RBM34: variants seen among roughly 807,000 people sequenced by gnomAD.
RBM34 encodes RNA binding motif protein 34.
RBM34 carries 39 observed loss-of-function variants against 44.6 expected under a neutral mutation model. The observed-to-expected ratio is 0.87, with a 90% CI of 0.68 to 1.14. RBM34 has a LOEUF of 1.14. Ranked by LOEUF, RBM34 falls within the 50% of genes most tolerant of loss-of-function variation. The pLI is 0.00. For synonymous variants in RBM34, 194 were observed against 184.0 expected (o/e 1.05, Z -0.44); for missense variants, 572 against 517.9 (o/e 1.10, Z -1.01).
Position 235,136,090 on chromosome 1 carries a change from GT to G in RBM34, c.850-18del. On this transcript the variant is annotated intron_variant, in intron 8 of 10. Coordinates refer to ENST00000408888, the MANE Select transcript of RBM34 (RefSeq NM_015014.4). ...CTTGTCTCTCTGAAACAAAAAGACA[GT>G]TAATAAAAATCACTCACTAGACCAG... 6.3e-7 allele frequency: 1 copy of G among 1,591,480 alleles called. No homozygotes were observed. Among genetic ancestry groups the G allele is most frequent in the Non-Finnish European group, 8.6e-7 (1 of 1,163,208 alleles).
chr1:235,142,977 G>A (rs1444194240), intron 6 of RBM34, among the ~76,000 whole-genome samples: 6 of 147,622 alleles, frequency 4.1e-5, no homozygotes, highest in Non-Finnish European at 6.0e-5. Context: ...GCCACAAACT[G>A]GAGCAAAATA....
At chr1:235,160,864 C>A (rs1558152392) in intron 2 of RBM34, 29 bp downstream of exon 2, 1 of 1,610,006 alleles carries the variant, frequency 6.2e-7, no homozygotes, top group Admixed American at 1.7e-5. Context: ...TTCTAACGAG[C>A]TATTCGGGAA....
chr1:235,152,616 C>T (rs999095376), intron 5 of RBM34, 90 bp downstream of exon 5: 2 of 1,550,102 alleles, frequency 1.3e-6, no homozygotes, highest in African/African-American at 1.4e-5. Context: ...GGTTAAAGTG[C>T]TTCACCATCT....
rs1473215252 is a variant in RBM34 at position 235,131,642 on chromosome 1, G to A, written c.*71C>T. 26 of 1,442,194 alleles carry A rather than the reference G, an allele frequency of 1.8e-5. No individual in the cohort carries two copies. Among genetic ancestry groups the A allele is most frequent in the East Asian group, 6.8e-5 (3 of 43,826 alleles). 89.3% of individuals were successfully genotyped at this position (1,442,194 alleles called of 1,614,324 possible). A position where few individuals can be genotyped will look rare whatever the true frequency, so the allele number is the denominator to read the frequency against. On this transcript the variant is annotated 3_prime_UTR_variant, in exon 11 of 11. Transcript: ENST00000408888. ...AAAACTCAACACATGAATAGCAGAC[G>A]ATGCTATCAGCAGATAATAGCACTT...
At chr1:235,139,149 T>C (rs754415877) in intron 6 of RBM34, among the ~76,000 whole-genome samples, 1 of 152,128 alleles carries the variant, frequency 6.6e-6, no homozygotes, top group African/African-American at 2.4e-5. Context: ...TGTGAGGAGT[T>C]AGCAAAAAGG....
intron 6 of RBM34, 125 bp from the exon 7 acceptor site, chr1:235,138,299 G>A: frequency 3.0e-6 from 2 of 659,848 alleles, no homozygotes; most frequent in South Asian, 4.3e-5. Context: ...ATTCCTGGGT[G>A]GACATTTCAT....
At chr1:235,137,754 T>A (rs1310726535) in intron 8 of RBM34, 123 bp downstream of exon 8, 1 of 698,676 alleles carries the variant, frequency 1.4e-6, no homozygotes, top group Non-Finnish European at 2.4e-6. Context: ...ACAGAGGACA[T>A]AGGCTGTTTC....
intron 5 of RBM34, among the ~76,000 whole-genome samples, chr1:235,149,156 A>C (rs1219177892): frequency 6.6e-6 from 1 of 151,756 alleles, no homozygotes; most frequent in Non-Finnish European, 1.5e-5. Flanking sequence ...TGGGAGGCCA[A>C]GGCGGGCGGA....
intron 6 of RBM34, among the ~76,000 whole-genome samples, chr1:235,141,433 T>C (rs562277546): frequency 1.1e-4 from 17 of 152,130 alleles, no homozygotes; most frequent in African/African-American, 4.1e-4. Context: ...TGGAGAACCT[T>C]TGTATCTAGC....
intron 3 of RBM34, among the ~76,000 whole-genome samples, chr1:235,157,043 A>C (rs1363296340): frequency 6.6e-6 from 1 of 152,220 alleles, no homozygotes; most frequent in Non-Finnish European, 1.5e-5. Flanking sequence ...GTGTGAAAGG[A>C]AACGAGACAG....
chr1:235,138,087 T>C lies in RBM34; in HGVS notation c.785+4A>G. On this transcript the variant is annotated splice_donor_region_variant and intron_variant, in intron 7 of 10. Coordinates refer to ENST00000408888, the MANE Select transcript of RBM34 (RefSeq NM_015014.4). ...TTCTGTTCAAACCTAAGGGATAAAA[T>C]TACCTTTTCAATGCTTGCGTGGCAG... 6.3e-7 allele frequency: 1 copy of C among 1,598,972 alleles called. No homozygotes were observed. The highest frequency in any genetic ancestry group is 8.5e-7 in the Non-Finnish European group (1 of 1,171,424).
chr1:235,160,220 G>A, intron 3 of RBM34: 2 of 514,214 alleles, frequency 3.9e-6, no homozygotes, highest in African/African-American at 1.9e-5. Flanking sequence ...GCACTCTACT[G>A]CAGCCTGGGC....
rs760637915 is a variant in RBM34 at position 235,152,693 on chromosome 1, G to T, written c.657+13C>A. On this transcript the variant is annotated intron_variant, in intron 5 of 10. Coordinates refer to ENST00000408888, the MANE Select transcript of RBM34 (RefSeq NM_015014.4). ...TTTAATATTATGTAATTTTACGGGG[G>T]AATGAAACATACCAGAGAACGAAAT... 1 of 1,594,426 alleles carries T rather than the reference G, an allele frequency of 6.3e-7. No individual in the cohort carries two copies. The highest frequency in any genetic ancestry group is 2.2e-5 in the East Asian group (1 of 44,500).
intron 6 of RBM34, among the ~76,000 whole-genome samples, chr1:235,139,657 T>C (rs1661590645): frequency 2.0e-5 from 3 of 151,736 alleles, no homozygotes; most frequent in Admixed American, 2.0e-4. Flanking sequence ...AGCCAGAAAG[T>C]GCATCACTCC....
intron 4 of RBM34, 83 bp from the exon 5 acceptor site, chr1:235,152,848 C>A: frequency 2.6e-6 from 3 of 1,168,638 alleles, no homozygotes; most frequent in African/African-American, 1.6e-5. Context: ...GAAAAATTGT[C>A]TGATAATCCT....
chr1:235,145,810 C>T (rs1411309161), intron 6 of RBM34, among the ~76,000 whole-genome samples: 2 of 151,938 alleles, frequency 1.3e-5, no homozygotes, highest in Non-Finnish European at 2.9e-5. Flanking sequence ...TTTGAGAGAG[C>T]GGGTCTTGCT....
At chr1:235,155,566 G>A (rs1417793823) in intron 3 of RBM34, among the ~76,000 whole-genome samples, 2 of 148,730 alleles carry the variant, frequency 1.3e-5, no homozygotes, top group East Asian at 4.0e-4. Flanking sequence ...GTGCAATAGT[G>A]CAATTTCGGC....
intron 5 of RBM34, 92 bp from the exon 6 acceptor site, chr1:235,148,539 T>C (rs898954998): frequency 3.5e-6 from 3 of 851,570 alleles, no homozygotes; most frequent in Non-Finnish European, 5.2e-6. Context: ...CTAACTCCAG[T>C]ACACTGTGAT....
intron 5 of RBM34, chr1:235,152,476 G>T: frequency 8.0e-7 from 1 of 1,244,352 alleles, no homozygotes; most frequent in Middle Eastern, 3.3e-4. Context: ...AAAGTACATT[G>T]CAGGCTTTCA....
Sources: allele counts gnomAD v4.1 joint callset (sites outside exome capture counted in the v4.1 genomes callset), GRCh38; gene constraint gnomAD v4.1.1; transcripts MANE v1.5; gene names NCBI Gene and HGNC (gene_info 2026-07-23, HGNC 2026-07-21).